ANXA8: variants seen among roughly 807,000 people sequenced by gnomAD.
ANXA8 encodes the protein annexin A8, also known as VAC-beta.
A neutral mutation model predicts 26.8 loss-of-function variants in ANXA8; 9 were observed. The observed-to-expected ratio is 0.34, with a 90% confidence interval of 0.20 to 0.59. ANXA8 has a LOEUF of 0.59. Ranked by LOEUF, ANXA8 falls within the 20% of genes least tolerant of loss-of-function variation. The pLI is 0.84. For missense variants in ANXA8, 83 were observed against 238.5 expected (o/e 0.35, Z 4.29); for synonymous variants, 39 against 94.8 (o/e 0.41, Z 3.42).
the ANXA8 span, among the ~76,000 whole-genome samples, chr10:47,959,604 G>A: frequency 2.0e-5 from 3 of 147,458 alleles, no homozygotes; most frequent in Non-Finnish European, 3.0e-5. Flanking sequence ...GCTGTCTCCT[G>A]GGGAGACTGT....
chr10:47,618,129 G>A, the ANXA8 span, among the ~76,000 whole-genome samples: 2 of 109,984 alleles, frequency 1.8e-5, no homozygotes, highest in African/African-American at 7.3e-5. Context: ...CAACAAAAAC[G>A]ATGCTGTGCT....
chr10:47,730,332 A>G, the ANXA8 span: 1 of 596,062 alleles, frequency 1.7e-6, no homozygotes, highest in Non-Finnish European at 2.9e-6. Flanking sequence ...GAAGATTCAG[A>G]GCCTTTTTGT....
At chr10:47,957,447 G>T in the ANXA8 span, among the ~76,000 whole-genome samples, 1 of 150,574 alleles carries the variant, frequency 6.6e-6, no homozygotes, top group East Asian at 2.0e-4. Flanking sequence ...CCCCACCTGA[G>T]CCTCTGGTCC....
chr10:47,715,572 A>C, the ANXA8 span: 1 of 1,424,038 alleles, frequency 7.0e-7, no homozygotes, highest in African/African-American at 1.4e-5. Context: ...ACTTAATCAG[A>C]TCAATCTATT....
chr10:47,898,826 T>C, the ANXA8 span, among the ~76,000 whole-genome samples: 1 of 124,936 alleles, frequency 8.0e-6, no homozygotes, highest in Non-Finnish European at 1.7e-5. Flanking sequence ...TTTTTTTTTT[T>C]TTTTTTTTTT....
chr10:47,907,281 C>T, the ANXA8 span, among the ~76,000 whole-genome samples: 1,414 of 151,754 alleles, frequency 9.3e-3, 2 homozygotes, highest in Non-Finnish European at 0.013. Flanking sequence ...GGCGTGAACC[C>T]GGGAGGCGGA....
the ANXA8 span, among the ~76,000 whole-genome samples, chr10:47,617,585 G>GT: frequency 2.0e-5 from 3 of 146,456 alleles, no homozygotes; most frequent in African/African-American, 7.9e-5. Context: ...TATGGATGCT[G>GT]TAGCTGTTAT....
At chr10:47,907,199 C>CA in the ANXA8 span, among the ~76,000 whole-genome samples, 6,227 of 150,474 alleles carry the variant, frequency 0.041, 121 homozygotes, top group East Asian at 0.21. Flanking sequence ...ACTAAAAATA[C>CA]AAAAAAAATT....
At chr10:47,684,883 G>A in the ANXA8 span, among the ~76,000 whole-genome samples, 5 of 149,374 alleles carry the variant, frequency 3.3e-5, no homozygotes, top group African/African-American at 1.3e-4. Flanking sequence ...ACCGCGCCCA[G>A]CCTGCGATTG....
At chr10:47,896,100 C>G in the ANXA8 span, among the ~76,000 whole-genome samples, 1 of 150,778 alleles carries the variant, frequency 6.6e-6, no homozygotes, top group Non-Finnish European at 1.5e-5. Context: ...ACATACGAAG[C>G]CACATTTGTT....
the ANXA8 span, among the ~76,000 whole-genome samples, chr10:47,560,147 C>T: frequency 2.2e-4 from 34 of 151,754 alleles, no homozygotes; most frequent in South Asian, 4.2e-4. Context: ...GGTCTGGTTC[C>T]TAATTTTTAG....
the ANXA8 span, among the ~76,000 whole-genome samples, chr10:47,637,703 G>C: frequency 8.1e-6 from 1 of 124,088 alleles, no homozygotes. Flanking sequence ...TCTAAATATG[G>C]GTTCACATTC....
the ANXA8 span, among the ~76,000 whole-genome samples, chr10:47,598,248 TA>T: frequency 7.8e-5 from 11 of 141,822 alleles, no homozygotes; most frequent in Admixed American, 7.2e-4. Flanking sequence ...TCTCACCATA[TA>T]AAAAAATTAA....
the ANXA8 span, among the ~76,000 whole-genome samples, chr10:47,733,203 T>TTCTCTCTCTCTCTCTCTC: frequency 5.6e-5 from 6 of 107,770 alleles, no homozygotes; most frequent in Admixed American, 1.9e-4. Context: ...CTTTCTTTCT[T>TTCTCTCTCTCTCTCTCTC]TCTTTCTTTC....
At chr10:47,768,552 T>C in the ANXA8 span, among the ~76,000 whole-genome samples, 136 of 150,392 alleles carry the variant, frequency 9.0e-4, no homozygotes, top group African/African-American at 3.2e-3. Flanking sequence ...GATTCCTTTC[T>C]TGAGGGCTGG....
At chr10:47,527,841 A>T in the ANXA8 span, among the ~76,000 whole-genome samples, 1 of 147,672 alleles carries the variant, frequency 6.8e-6, no homozygotes, top group Non-Finnish European at 1.5e-5. Context: ...GCGTGAGTAT[A>T]CTTCTATGTT....
chr10:47,650,544 C>A, the ANXA8 span, among the ~76,000 whole-genome samples: 1 of 149,136 alleles, frequency 6.7e-6, no homozygotes, highest in Non-Finnish European at 1.5e-5. Flanking sequence ...TGGTGGCTCA[C>A]GCCTGTAATC....
chr10:47,565,962 C>G, the ANXA8 span: 1 of 1,485,650 alleles, frequency 6.7e-7, no homozygotes, highest in Admixed American at 2.2e-5. Context: ...GAGGAGCTGG[C>G]CGCCCTGGGC....
the ANXA8 span, among the ~76,000 whole-genome samples, chr10:47,489,830 A>T: frequency 2.2e-5 from 3 of 133,884 alleles, no homozygotes; most frequent in African/African-American, 8.9e-5. Context: ...CAACAGACCT[A>T]TACATCCCTG....
Sources: allele counts gnomAD v4.1 joint callset (sites outside exome capture counted in the v4.1 genomes callset), GRCh38; gene constraint gnomAD v4.1.1; transcripts MANE v1.5; gene names NCBI Gene and HGNC (gene_info 2026-07-23, HGNC 2026-07-21).